UNC13C: variants seen among roughly 807,000 people sequenced by gnomAD.
The protein encoded by UNC13C is protein unc-13 homolog C.
Under a neutral mutation model 245.4 loss-of-function variants are expected in UNC13C, and 174 were observed. The observed-to-expected ratio is 0.71, with a 90% CI of 0.63 to 0.80. UNC13C has a LOEUF of 0.80. Ranked by LOEUF, UNC13C falls within the 30% of genes least tolerant of loss-of-function variation. The pLI, the probability that UNC13C is intolerant of heterozygous loss-of-function variation, is 0.00. For missense variants in UNC13C, 2,829 were observed against 2,602.9 expected (o/e 1.09, Z -1.89); for synonymous variants, 992 against 895.1 (o/e 1.11, Z -1.93).
In UNC13C at chr15:54,114,788, A is replaced by C. The variant is rs146371762; in HGVS notation, c.2984-28230A>C. Among the ~76,000 whole-genome samples the C allele has an allele frequency of 1.1e-4, 16 of 152,228 alleles. No homozygotes were observed. In the East Asian group the frequency reaches 3.1e-3, roughly 29 times the overall value. ...TTTATTTCTTCAGAATCTTTGTATA[A>C]ATTTTTATTATTGGCAGCATTACAT... On this transcript the variant is annotated intron_variant, in intron 2 of 32. Coordinates refer to ENST00000260323, the MANE Select transcript of UNC13C (RefSeq NM_001080534.3).
At chr15:54,133,206 T>C (rs544144136) in intron 2 of UNC13C, among the ~76,000 whole-genome samples, 17 of 152,242 alleles carry the variant, frequency 1.1e-4, no homozygotes, top group Non-Finnish European at 1.8e-4. Flanking sequence ...TTTACTTATA[T>C]ATGAAGGAAA....
At chr15:54,456,061 A>G (rs1891503035) in intron 19 of UNC13C, among the ~76,000 whole-genome samples, 1 of 152,130 alleles carries the variant, frequency 6.6e-6, no homozygotes, top group Non-Finnish European at 1.5e-5. Context: ...AGAGATGAAG[A>G]TCCAGTTTTA....
chr15:54,455,605 A>T (rs1891475769), intron 19 of UNC13C, among the ~76,000 whole-genome samples: 1 of 148,020 alleles, frequency 6.8e-6, no homozygotes, highest in East Asian at 2.0e-4. Context: ...CATTTCCCTG[A>T]TCACTAGTAA....
the UNC13C span, among the ~76,000 whole-genome samples, chr15:53,969,129 C>T: frequency 6.6e-6 from 1 of 152,054 alleles, no homozygotes; most frequent in Non-Finnish European, 1.5e-5. Context: ...GAGATCTATC[C>T]ACAGATAGTA....
the UNC13C span, among the ~76,000 whole-genome samples, chr15:53,841,047 C>A: frequency 2.0e-5 from 3 of 152,120 alleles, no homozygotes; most frequent in African/African-American, 7.2e-5. Context: ...GAAACCAATG[C>A]GTGGATGGTC....
chr15:54,376,409 A>G (rs553030337), intron 17 of UNC13C, among the ~76,000 whole-genome samples: 1 of 152,346 alleles, frequency 6.6e-6, no homozygotes, highest in Admixed American at 6.5e-5. Flanking sequence ...ATAGCCAGAA[A>G]AAGCATATAC....
At chr15:54,024,004 G>C (rs1213397483) in intron 2 of UNC13C, among the ~76,000 whole-genome samples, 1 of 152,138 alleles carries the variant, frequency 6.6e-6, no homozygotes, top group East Asian at 1.9e-4. Flanking sequence ...TTGCTGTGTG[G>C]AATAAGATAA....
At chr15:54,518,021 T>G (rs1367880184) in intron 24 of UNC13C, among the ~76,000 whole-genome samples, 1 of 152,082 alleles carries the variant, frequency 6.6e-6, no homozygotes, top group African/African-American at 2.4e-5. Flanking sequence ...ATAAGGAGAA[T>G]TGAATATTTG....
At chr15:54,557,804 C>T in intron 29 of UNC13C, among the ~76,000 whole-genome samples, 1 of 151,942 alleles carries the variant, frequency 6.6e-6, no homozygotes, top group East Asian at 1.9e-4. Flanking sequence ...TTTACATTTT[C>T]AAATTTCTCT....
chr15:54,587,088 A>T (rs1206093623), intron 30 of UNC13C, among the ~76,000 whole-genome samples: 1 of 152,180 alleles, frequency 6.6e-6, no homozygotes, highest in African/African-American at 2.4e-5. Flanking sequence ...ATCACTTACT[A>T]CCACCATAGA....
intron 14 of UNC13C, among the ~76,000 whole-genome samples, chr15:54,327,901 G>T (rs977685327): frequency 6.6e-6 from 1 of 152,040 alleles, no homozygotes; most frequent in Non-Finnish European, 1.5e-5. Flanking sequence ...GGCATTCTTG[G>T]ATTATGAAAC....
At chr15:54,003,795 G>C (rs1200196459) in intron 1 of UNC13C, among the ~76,000 whole-genome samples, 1 of 152,130 alleles carries the variant, frequency 6.6e-6, no homozygotes, top group South Asian at 2.1e-4. Flanking sequence ...GGTGGATCAC[G>C]AGGTCAGGAG....
chr15:53,994,930 G>C (rs188977990), intron 1 of UNC13C, among the ~76,000 whole-genome samples: 47 of 152,244 alleles, frequency 3.1e-4, no homozygotes, highest in Middle Eastern at 3.4e-3. Flanking sequence ...GTATGGGAAT[G>C]AGAGAAATTG....
chr15:54,244,946 T>C lies in UNC13C; in HGVS notation c.3229-5279T>C, dbSNP rs149050157. ...TTGACTTCCTCTCTTCCTATTTGAATACACTTTATTTCTTTCTCTTGCCCA... is the reference window on the plus strand; with the variant it reads ...TTGACTTCCTCTCTTCCTATTTGAACACACTTTATTTCTTTCTCTTGCCCA... On this transcript the variant is annotated intron_variant, in intron 7 of 32. Transcript: ENST00000260323. 4.6e-5 allele frequency among the ~76,000 whole-genome samples: 7 copies of C among 152,324 alleles called. No homozygotes were observed. In the East Asian group the frequency reaches 1.3e-3, roughly 29 times the overall value.
At chr15:54,478,174 A>G (rs1033913776) in intron 19 of UNC13C, among the ~76,000 whole-genome samples, 1 of 150,142 alleles carries the variant, frequency 6.7e-6, no homozygotes, top group African/African-American at 2.5e-5. Flanking sequence ...ATCATTTTTT[A>G]TTGCATCTAT....
chr15:53,911,022 A>G, the UNC13C span: 18 of 152,382 alleles, frequency 1.2e-4, no homozygotes, highest in East Asian at 3.5e-3. Context: ...CCCAGTGGAA[A>G]CGCGGGAGGC....
chr15:54,152,543 C>G (rs758032133), intron 4 of UNC13C, among the ~76,000 whole-genome samples: 21 of 152,060 alleles, frequency 1.4e-4, no homozygotes, highest in Non-Finnish European at 1.9e-4. Flanking sequence ...TCTTCTAATG[C>G]CTTCCAGATA....
chr15:53,943,562 A>G, the UNC13C span, among the ~76,000 whole-genome samples: 1 of 152,180 alleles, frequency 6.6e-6, no homozygotes, highest in Admixed American at 6.5e-5. Flanking sequence ...TGATAAGCAG[A>G]TGTCTCTATT....
intron 7 of UNC13C, among the ~76,000 whole-genome samples, chr15:54,247,809 C>T (rs1394334070): frequency 6.6e-6 from 1 of 151,802 alleles, no homozygotes; most frequent in Non-Finnish European, 1.5e-5. Flanking sequence ...TCTCCCTTTA[C>T]ATGAAATGAA....
Sources: gnomAD v4.1 joint callset for allele counts (sites outside exome capture counted in the v4.1 genomes callset) on GRCh38, gnomAD v4.1.1 for gene constraint, MANE v1.5 for transcripts, NCBI Gene and HGNC (gene_info 2026-07-23, HGNC 2026-07-21) for gene names.